Variants in DENND2B observed in about 807,000 individuals in gnomAD.
DENND2B encodes DENN domain-containing protein 2B.
Under a neutral mutation model 116.0 loss-of-function variants are expected in DENND2B, and 32 were observed. The ratio of observed to expected loss-of-function variants is 0.28; its 90% CI spans 0.21 to 0.37. The LOEUF is 0.37. Ranked by LOEUF, DENND2B falls within the 10% of genes least tolerant of loss-of-function variation. The pLI, the probability that DENND2B is intolerant of heterozygous loss-of-function variation, is 1.00. For missense variants in DENND2B, 1,276 were observed against 1,477.7 expected, an observed-to-expected ratio of 0.86 and a Z score of 2.24; for synonymous variants, 588 against 583.9, an observed-to-expected ratio of 1.01 and a Z score of -0.10.
Position 8,708,389 on chromosome 11 carries a change from C to T in DENND2B, c.2353-535G>A, listed in dbSNP as rs865916905. 19 of 946,090 alleles carry T rather than the reference C, an allele frequency of 2.0e-5. No individual in the cohort carries two copies. The South Asian group carries it at 8.3e-4, about 41-fold the overall frequency. 58.6% of individuals were successfully genotyped at this position (946,090 alleles called of 1,614,324 possible). On this transcript the variant is annotated intron_variant, in intron 11 of 19. Coordinates refer to ENST00000313726, the MANE Select transcript of DENND2B (RefSeq NM_213618.2). ...GGAGCTACTGTTTATGGAACATTTGCTATACCTGACTCCTGGGCTTGGGAC... is the reference window on the plus strand; with the variant it reads ...GGAGCTACTGTTTATGGAACATTTGTTATACCTGACTCCTGGGCTTGGGAC...
At chr11:8,755,107 G>A (rs1344117502) in intron 1 of DENND2B, among the ~76,000 whole-genome samples, 1 of 152,098 alleles carries the variant, frequency 6.6e-6, no homozygotes, top group African/African-American at 2.4e-5. Context: ...CAACACAAAC[G>A]ACACATCAAG....
At chr11:8,878,785 A>G (rs1186651830) in intron 2 of DENND2B, among the ~76,000 whole-genome samples, 1 of 152,234 alleles carries the variant, frequency 6.6e-6, no homozygotes, top group Non-Finnish European at 1.5e-5. Context: ...ACTTGAAAAC[A>G]TTATGCTAAG....
intron 2 of DENND2B, among the ~76,000 whole-genome samples, chr11:8,738,350 G>C (rs1383183008): frequency 6.6e-6 from 1 of 152,108 alleles, no homozygotes; most frequent in Admixed American, 6.5e-5. Flanking sequence ...CTTCTCAGTC[G>C]GTTTCCTTGG....
At chr11:8,758,498 G>A (rs972078597) in intron 1 of DENND2B, among the ~76,000 whole-genome samples, 2 of 152,020 alleles carry the variant, frequency 1.3e-5, no homozygotes, top group African/African-American at 4.8e-5. Flanking sequence ...CTAAGCTCCT[G>A]GGAAAAAGAG....
At chr11:8,786,770 C>A (rs2058946178) in intron 1 of DENND2B, among the ~76,000 whole-genome samples, 1 of 152,160 alleles carries the variant, frequency 6.6e-6, no homozygotes, top group South Asian at 2.1e-4. Flanking sequence ...GTGATCTTGA[C>A]TGCGCCACTG....
chr11:8,783,046 CTTTTT>C (rs35035048), intron 1 of DENND2B, among the ~76,000 whole-genome samples: 12 of 118,992 alleles, frequency 1.0e-4, no homozygotes, highest in African/African-American at 3.3e-4. Context: ...CACCACTTAC[CTTTTT>C]TTTTTTTTTT....
intron 2 of DENND2B, among the ~76,000 whole-genome samples, chr11:8,741,255 C>T (rs1345539079): frequency 6.6e-6 from 1 of 152,198 alleles, no homozygotes; most frequent in African/African-American, 2.4e-5. Context: ...ATCTAAGAAT[C>T]TATGGAAGCC....
At chr11:8,724,640 C>A (rs1052464854) in intron 4 of DENND2B, among the ~76,000 whole-genome samples, 1 of 152,200 alleles carries the variant, frequency 6.6e-6, no homozygotes, top group South Asian at 2.1e-4. Flanking sequence ...TTTGCCAATA[C>A]CATGTCTTCC....
chr11:8,717,706 G>T, intron 5 of DENND2B, 35 bp downstream of exon 5: 2 of 1,502,130 alleles, frequency 1.3e-6, no homozygotes, highest in Non-Finnish European at 1.8e-6. Flanking sequence ...TGGCCCTCAC[G>T]CTAACCCTAC....
chr11:8,898,315 G>A (rs975395289), intron 1 of DENND2B, among the ~76,000 whole-genome samples: 10 of 151,946 alleles, frequency 6.6e-5, no homozygotes, highest in South Asian at 4.2e-4. Context: ...CTGCTTCAGC[G>A]CAGAAATTCA....
At chr11:8,776,158 G>GCCCACACACACA (rs756959704) in intron 1 of DENND2B, 32 of 338,594 alleles carry the variant, frequency 9.5e-5, no homozygotes, top group Admixed American at 4.9e-4. Context: ...ACGCGCGCGC[G>GCCCACACACACA]CGCACACACA....
At chr11:8,858,828 T>C (rs896888151) in intron 2 of DENND2B, among the ~76,000 whole-genome samples, 2 of 152,132 alleles carry the variant, frequency 1.3e-5, no homozygotes, top group Middle Eastern at 3.2e-3. Flanking sequence ...AGAAAGTCCA[T>C]CTCTTGTCTC....
chr11:8,877,253 A>G (rs1412774254), intron 2 of DENND2B, among the ~76,000 whole-genome samples: 1 of 151,550 alleles, frequency 6.6e-6, no homozygotes, highest in Non-Finnish European at 1.5e-5. Flanking sequence ...ACAGGTGCCC[A>G]CCACCATGCC....
intron 1 of DENND2B, among the ~76,000 whole-genome samples, chr11:8,804,711 G>A (rs1382013893): frequency 2.0e-5 from 3 of 151,816 alleles, no homozygotes; most frequent in African/African-American, 7.3e-5. Context: ...TGCCCGGCCA[G>A]TTTTTGTATT....
chr11:8,786,532 C>A (rs2058916575), intron 1 of DENND2B, among the ~76,000 whole-genome samples: 1 of 152,140 alleles, frequency 6.6e-6, no homozygotes, highest in Non-Finnish European at 1.5e-5. Flanking sequence ...TTAGGAAGGC[C>A]AGGCATGGTG....
intron 16 of DENND2B, chr11:8,698,097 C>T (rs537106470): frequency 9.1e-4 from 151 of 166,046 alleles, no homozygotes; most frequent in Admixed American, 3.9e-3. Flanking sequence ...CATGACTGTA[C>T]CACTGCACTC....
At chr11:8,803,970 A>C (rs1333745878) in intron 1 of DENND2B, among the ~76,000 whole-genome samples, 1 of 152,224 alleles carries the variant, frequency 6.6e-6, no homozygotes, top group Non-Finnish European at 1.5e-5. Context: ...ACACTGAGAA[A>C]GACCTCAGGG....
At chr11:8,708,952 CAAA>C (rs10569712) in intron 11 of DENND2B, among the ~76,000 whole-genome samples, 28 of 136,464 alleles carry the variant, frequency 2.1e-4, no homozygotes, top group East Asian at 4.3e-4. Context: ...AACTCTGTCT[CAAA>C]AAAAAAAAAA....
intron 3 of DENND2B, among the ~76,000 whole-genome samples, chr11:8,842,527 G>A (rs1261557386): frequency 2.0e-5 from 3 of 152,138 alleles, no homozygotes; most frequent in East Asian, 1.9e-4. Flanking sequence ...CCACCACCTC[G>A]TGTTTCTGTG....
Sources: allele counts gnomAD v4.1 joint callset (sites outside exome capture counted in the v4.1 genomes callset), GRCh38; gene constraint gnomAD v4.1.1; transcripts MANE v1.5; gene names NCBI Gene and HGNC (gene_info 2026-07-23, HGNC 2026-07-21).